CIB1: variants seen among roughly 807,000 people sequenced by gnomAD.
CIB1 encodes the protein calcium and integrin-binding protein 1.
In CIB1, 19 loss-of-function variants were observed where a neutral mutation model predicts 25.0. The observed-to-expected ratio is 0.76, with a 90% confidence interval of 0.53 to 1.12. The LOEUF (loss-of-function observed/expected upper bound fraction) is 1.12. Ranked by LOEUF, CIB1 falls within the 50% of genes most tolerant of loss-of-function variation. The probability of loss-of-function intolerance (pLI) is 0.00; values close to 1 mark genes in which losing one functional copy is unlikely to be tolerated. For synonymous variants in CIB1, 104 were observed against 98.5 expected (o/e 1.06, Z -0.33); for missense variants, 236 against 242.6 (o/e 0.97, Z 0.18).
At chr15:90,259,204 A>G in the CIB1 span, 1 of 443,504 alleles carries the variant, frequency 2.3e-6, no homozygotes, top group South Asian at 2.4e-5. Flanking sequence ...CCTAAAACAC[A>G]AAAAAGAAAC....
At chr15:90,241,179 G>A in the CIB1 span, 2 of 1,614,202 alleles carry the variant, frequency 1.2e-6, no homozygotes, top group East Asian at 2.2e-5. Flanking sequence ...CCTCCCTGGT[G>A]CTGTGGGTTT....
the CIB1 span, chr15:90,262,978 C>A: frequency 2.0e-6 from 3 of 1,535,772 alleles, no homozygotes; most frequent in Admixed American, 2.0e-5. Context: ...GCTGCCGGGA[C>A]AGCTGGACAC....
Position 90,230,078 on chromosome 15 carries a change from T to A in CIB1, c.*406A>T, listed in dbSNP as rs1317020785. 3.9e-6 allele frequency: 1 copy of A among 258,398 alleles called. No homozygotes were observed. The highest frequency in any genetic ancestry group is 2.3e-5 in the African/African-American group (1 of 44,236). 16.0% of individuals were successfully genotyped at this position (258,398 alleles called of 1,614,324 possible). A position where few individuals can be genotyped will look rare whatever the true frequency, so the allele number is the denominator to read the frequency against. ...TCAGGATACAGGCGAGTCCCACACCTCCTGCTGCCCCTTCATCCTCACACC... is the reference window on the plus strand; with the variant it reads ...TCAGGATACAGGCGAGTCCCACACCACCTGCTGCCCCTTCATCCTCACACC... On this transcript the variant is annotated 3_prime_UTR_variant, in exon 7 of 7. Transcript: ENST00000328649.
At chr15:90,249,743 G>C in the CIB1 span, 1 of 152,238 alleles carries the variant, frequency 6.6e-6, no homozygotes, top group Non-Finnish European at 1.5e-5. Flanking sequence ...TGAGCGGCCA[G>C]CTGAGTCCAT....
At chr15:90,248,643 A>G in the CIB1 span, among the ~76,000 whole-genome samples, 1 of 140,520 alleles carries the variant, frequency 7.1e-6, no homozygotes, top group East Asian at 2.3e-4. Context: ...TGAGCCTGGG[A>G]AGCTAAGTAA....
At chr15:90,250,908 C>T in the CIB1 span, 16 of 1,610,008 alleles carry the variant, frequency 9.9e-6, no homozygotes, top group South Asian at 1.7e-4. Flanking sequence ...CCTAGATCCC[C>T]TCAACTGCCC....
chr15:90,262,058 G>A, the CIB1 span: 2 of 1,535,990 alleles, frequency 1.3e-6, no homozygotes, highest in Non-Finnish European at 1.7e-6. Context: ...GGAACGATAT[G>A]AGGATTCTCA....
the CIB1 span, chr15:90,265,419 G>A: frequency 2.3e-6 from 3 of 1,282,096 alleles, no homozygotes; most frequent in South Asian, 5.4e-5. Context: ...AGCCGCTGGG[G>A]CGGAGGGACG....
the CIB1 span, chr15:90,264,971 C>A: frequency 3.3e-6 from 5 of 1,532,890 alleles, no homozygotes; most frequent in Non-Finnish European, 4.4e-6. Flanking sequence ...CAGGTAAAAG[C>A]AGGAGGGAAG....
At chr15:90,232,022 T>G (rs1436972548) in intron 3 of CIB1, among the ~76,000 whole-genome samples, 197 bp downstream of exon 3, 1 of 152,220 alleles carries the variant, frequency 6.6e-6, no homozygotes, top group Non-Finnish European at 1.5e-5. Context: ...AATCCCCATT[T>G]GAAAAGCACC....
At chr15:90,230,842 C>T in intron 6 of CIB1, 92 bp downstream of exon 6, 1 of 1,160,748 alleles carries the variant, frequency 8.6e-7, no homozygotes, top group Non-Finnish European at 1.3e-6. Flanking sequence ...TTTCTCTCAC[C>T]CTGGCACCAC....
chr15:90,241,626 C>T, the CIB1 span: 87 of 1,614,040 alleles, frequency 5.4e-5, 1 homozygote, highest in Non-Finnish European at 3.6e-5. Flanking sequence ...GCCCCTGGAC[C>T]CTGGAGGCCA....
chr15:90,260,850 C>CAA, the CIB1 span, among the ~76,000 whole-genome samples: 433 of 60,148 alleles, frequency 7.2e-3, 6 homozygotes, highest in African/African-American at 0.021. Context: ...GACTCTGTCT[C>CAA]AAAAAAAAAA....
At chr15:90,233,214 G>T (rs573574549) in intron 2 of CIB1, among the ~76,000 whole-genome samples, 4 of 152,224 alleles carry the variant, frequency 2.6e-5, no homozygotes, top group Admixed American at 6.5e-5. Context: ...CTCTCCTAAA[G>T]ATTAAATTAG....
chr15:90,231,448 G>A lies in CIB1; in HGVS notation c.255C>T (p.Ser85=). 2 of 1,614,202 alleles carry A rather than the reference G, an allele frequency of 1.2e-6. No individual in the cohort carries two copies. Among genetic ancestry groups the A allele is most frequent in the South Asian group, 2.2e-5 (2 of 91,090 alleles). ...GATCCAGGAAGTCCTCAAAGCTAAG[G>A]CTGTCTTTGGCTGGGGATGTGGAGA... The part of the protein sequence containing the change: ...RVFSTSPAKD[S]LSFEDFLDLL... The change falls in exon 4 of 7, where the codon AGC becomes AGT. Residue 85 remains serine, a synonymous_variant. Coordinates refer to ENST00000328649, the MANE Select transcript of CIB1 (RefSeq NM_006384.4).
chr15:90,249,658 T>C, the CIB1 span: 2 of 152,174 alleles, frequency 1.3e-5, no homozygotes, highest in African/African-American at 4.8e-5. Context: ...GGACAGCCAG[T>C]CCTGTGAAAC....
the CIB1 span, chr15:90,263,441 A>G: frequency 2.1e-6 from 1 of 478,764 alleles, no homozygotes. Context: ...CATGACTGAC[A>G]AATAACAAGC....
chr15:90,261,549 T>C, the CIB1 span, among the ~76,000 whole-genome samples: 3 of 151,870 alleles, frequency 2.0e-5, no homozygotes, highest in African/African-American at 4.8e-5. Flanking sequence ...TCCCAGCACT[T>C]TGGGAGGCCG....
the CIB1 span, among the ~76,000 whole-genome samples, chr15:90,253,525 TCTC>T: frequency 6.6e-6 from 1 of 152,174 alleles, no homozygotes; most frequent in Non-Finnish European, 1.5e-5. Flanking sequence ...AATGGAAAGA[TCTC>T]CTCTTGGAGA....
Sources: gnomAD v4.1 joint callset for allele counts (sites outside exome capture counted in the v4.1 genomes callset) on GRCh38, gnomAD v4.1.1 for gene constraint, MANE v1.5 for transcripts, NCBI Gene and HGNC (gene_info 2026-07-23, HGNC 2026-07-21) for gene names.